Variants in IRGM observed in about 807,000 individuals in gnomAD.
The protein encoded by IRGM is immunity related GTPase M, also known as immunity-related GTPase family M protein.
For synonymous variants in IRGM, 98 were observed against 80.6 expected (o/e 1.22, Z -1.16); for missense variants, 288 against 219.9 (o/e 1.31, Z -1.96).
chr5:150,900,032 C>A (rs1057231287), intron 3 of IRGM, among the ~76,000 whole-genome samples: 1 of 152,014 alleles, frequency 6.6e-6, no homozygotes, highest in Admixed American at 6.6e-5. Flanking sequence ...AGCTGCCAAA[C>A]AGTTAGTTGT....
At chr5:150,859,896 T>C (rs564523658) in intron 1 of IRGM, among the ~76,000 whole-genome samples, 3 of 152,196 alleles carry the variant, frequency 2.0e-5, no homozygotes, top group Admixed American at 1.3e-4. Flanking sequence ...CATTTTCAAC[T>C]ACTGACTTGA....
At chr5:150,852,228 C>T (rs879307333), downstream of IRGM, among the ~76,000 whole-genome samples, 1 of 152,126 alleles carries the variant, frequency 6.6e-6, no homozygotes, top group African/African-American at 2.4e-5. Flanking sequence ...ATTCAATCAG[C>T]TTTTGGTGTA....
downstream of IRGM, among the ~76,000 whole-genome samples, chr5:150,849,388 G>T (rs1196333541): frequency 6.6e-6 from 1 of 152,188 alleles, no homozygotes; most frequent in South Asian, 2.1e-4. Flanking sequence ...TAACTTGCAA[G>T]TGACAAGAAA....
chr5:150,870,784 T>A (rs958632796), intron 1 of IRGM, among the ~76,000 whole-genome samples: 1 of 152,182 alleles, frequency 6.6e-6, no homozygotes, highest in Non-Finnish European at 1.5e-5. Context: ...ATTAGAGCAC[T>A]CAGTAATCAT....
At chr5:150,876,104 T>C (rs2113282162) in intron 1 of IRGM, among the ~76,000 whole-genome samples, 1 of 152,350 alleles carries the variant, frequency 6.6e-6, no homozygotes, top group Non-Finnish European at 1.5e-5. Context: ...GGTCTTACCA[T>C]GTTCCCCATC....
rs564391527 is a variant in IRGM, at chr5:150,848,296, A to T, written c.173A>T (p.His58Leu). The change falls in exon 2 of 2, where the codon CAT becomes CTT. Residue 58 changes from histidine (H) to leucine (L), a missense_variant. Coordinates refer to ENST00000522154, the MANE Select transcript of IRGM (RefSeq NM_001145805.2). ...TFISALRNTGHEGKASPPTEL... is the reference protein window; with the variant it reads ...TFISALRNTGLEGKASPPTEL... ...ATCAGTGCCCTTCGAAACACAGGAC[A>T]TGAGGGTAAGGCCTCACCTCCTACT... 3.2e-6 allele frequency: 5 copies of T among 1,551,718 alleles called. No homozygotes were observed. The highest frequency in any genetic ancestry group is 2.6e-6 in the Non-Finnish European group (3 of 1,146,990).
intron 1 of IRGM, among the ~76,000 whole-genome samples, chr5:150,869,343 T>C (rs12652898): frequency 0.039 from 5,918 of 152,262 alleles, 191 homozygotes; most frequent in East Asian, 0.18. Flanking sequence ...TTGATCATGG[T>C]GGATTATCTT....
At position 150,848,335 on chromosome 5, in the gene IRGM, C is replaced by A. The variant is rs551248565; in HGVS notation, c.212C>A (p.Ala71Asp). ...TCACCTCCTACTGAGCTGGTAAAAG[C>A]TACCCAAAGATGTGCCTCCTATTTC... Reference protein sequence around the residue: ...KASPPTELVKATQRCASYFSS... With the variant: ...KASPPTELVKDTQRCASYFSS... Residue 71 changes from alanine (A) to aspartate (D), a missense_variant, in exon 2 of 2, where the codon GCT becomes GAT. Coordinates refer to ENST00000522154, the MANE Select transcript of IRGM (RefSeq NM_001145805.2). 1 of 1,551,722 alleles carries A rather than the reference C, an allele frequency of 6.4e-7. No individual in the cohort carries two copies. Among genetic ancestry groups the A allele is most frequent in the African/African-American group, 1.4e-5 (1 of 73,052 alleles).
chr5:150,894,445 C>G (rs1245281308), intron 3 of IRGM: 1 of 152,052 alleles, frequency 6.6e-6, no homozygotes, highest in Non-Finnish European at 1.5e-5. Flanking sequence ...AAAATAAATC[C>G]AAGTATTAAA....
intron 1 of IRGM, chr5:150,847,437 C>T (rs1426574433): frequency 6.6e-6 from 1 of 152,276 alleles, no homozygotes. Context: ...TTTCAGGAGA[C>T]TTGGTTCATT....
chr5:150,869,545 A>G (rs1754252922), intron 1 of IRGM, among the ~76,000 whole-genome samples: 1 of 152,126 alleles, frequency 6.6e-6, no homozygotes, highest in South Asian at 2.1e-4. Flanking sequence ...AATAGTTTCA[A>G]TAGGACTGGC....
intron 1 of IRGM, among the ~76,000 whole-genome samples, chr5:150,861,159 GA>G (rs546288074): frequency 5.5e-4 from 84 of 152,304 alleles, no homozygotes; most frequent in African/African-American, 1.9e-3. Flanking sequence ...TGGCTCACTG[GA>G]GGTTCAACTG....
rs533558501 is a variant in IRGM at position 150,847,086 on chromosome 5, C to T, written c.-550C>T. 7.2e-5 allele frequency: 11 copies of T among 152,456 alleles called. No individual in the cohort carries two copies. Among genetic ancestry groups the T allele is most frequent in the Admixed American group, 2.6e-4 (4 of 15,296 alleles). 9.4% of individuals were successfully genotyped at this position (152,456 alleles called of 1,614,324 possible). A position where few individuals can be genotyped will look rare whatever the true frequency, so the allele number is the denominator to read the frequency against. On this transcript the variant is annotated 5_prime_UTR_variant, in exon 1 of 2. Coordinates refer to ENST00000522154, the MANE Select transcript of IRGM (RefSeq NM_001145805.2). ...GCAGAGCATTTGAGTATGCTGTCTC[C>T]TCCTCTCCCTCACTTCAGTTGGGCC...
chr5:150,848,422 C>A lies in IRGM; in HGVS notation c.299C>A (p.Thr100Asn). 8.4e-6 allele frequency: 13 copies of A among 1,551,840 alleles called. No individual in the cohort carries two copies. The highest frequency in any genetic ancestry group is 1.1e-5 in the Non-Finnish European group (13 of 1,146,972). ...DLPGTGSATT[T>N]LENYLMEMQF... is the part of the protein sequence containing the mutation. ...CCTGGCACAGGGTCTGCCACCACAA[C>A]CCTGGAGAACTACCTGATGGAAATG... Residue 100 changes from threonine to asparagine, a missense_variant, in exon 2 of 2, where the codon ACC (threonine) becomes AAC (asparagine). By Grantham distance (65) the Thr-to-Asn change is moderately conservative. Transcript: ENST00000522154.
downstream of IRGM, among the ~76,000 whole-genome samples, chr5:150,852,450 C>T (rs1264567398): frequency 1.3e-5 from 2 of 152,086 alleles, no homozygotes; most frequent in African/African-American, 4.8e-5. Context: ...TTCCATCTGG[C>T]TCACCTTATT....
At position 150,848,306 on chromosome 5, in the gene IRGM, G is replaced by C; in HGVS notation, c.183G>C (p.Lys61Asn). 6.4e-7 allele frequency: 1 copy of C among 1,551,782 alleles called. No individual in the cohort carries two copies. The highest frequency in any genetic ancestry group is 8.7e-7 in the Non-Finnish European group (1 of 1,146,926). The change falls in exon 2 of 2, where the codon AAG becomes AAC. Residue 61 changes from lysine to asparagine, a missense_variant. Coordinates refer to ENST00000522154, the MANE Select transcript of IRGM (RefSeq NM_001145805.2). ...TTCGAAACACAGGACATGAGGGTAA[G>C]GCCTCACCTCCTACTGAGCTGGTAA... ...SALRNTGHEGKASPPTELVKA... is the reference protein window; with the variant it reads ...SALRNTGHEGNASPPTELVKA...
intron 1 of IRGM, among the ~76,000 whole-genome samples, chr5:150,868,962 G>A (rs970343489): frequency 1.3e-5 from 2 of 152,000 alleles, no homozygotes; most frequent in Non-Finnish European, 1.5e-5. Context: ...TTACCGATTT[G>A]GATGCCCTTT....
At chr5:150,878,678 T>G (rs1754401486) in intron 2 of IRGM, among the ~76,000 whole-genome samples, 1 of 152,124 alleles carries the variant, frequency 6.6e-6, no homozygotes, top group African/African-American at 2.4e-5. Context: ...ACATCTGATT[T>G]GTGCATCCAA....
downstream of IRGM, among the ~76,000 whole-genome samples, chr5:150,852,791 CA>C (rs1753994832): frequency 6.6e-6 from 1 of 152,004 alleles, no homozygotes. Context: ...AAGAATCAAA[CA>C]ACTATTTCTA....
Sources: allele counts gnomAD v4.1 joint callset (sites outside exome capture counted in the v4.1 genomes callset), GRCh38; gene constraint gnomAD v4.1.1; transcripts MANE v1.5; gene names NCBI Gene and HGNC (gene_info 2026-07-23, HGNC 2026-07-21).